Variants in GRIA3 observed in about 807,000 individuals in gnomAD.
GRIA3 encodes glutamate ionotropic receptor AMPA type subunit 3, also known as glutamate receptor 3.
In GRIA3, 3 loss-of-function variants were observed where a neutral mutation model predicts 63.0. That is an observed-to-expected ratio of 0.05 (90% CI 0.02 to 0.12). GRIA3 has a LOEUF of 0.12. GRIA3 is among the 10% of genes least tolerant of loss of function. The pLI, the probability that GRIA3 is intolerant of heterozygous loss-of-function variation, is 1.00. For synonymous variants in GRIA3, 274 were observed against 257.9 expected (o/e 1.06, Z -0.60); for missense variants, 347 against 700.9 (o/e 0.50, Z 5.70).
intron 3 of GRIA3, among the ~76,000 whole-genome samples, chrX:123,275,599 C>G (rs1040646626): frequency 8.9e-5 from 10 of 112,162 alleles, no homozygotes; most frequent in Non-Finnish European, 1.7e-4. Flanking sequence ...ACTTTCTCAG[C>G]ATCATCATGT....
chrX:123,202,702 C>T (rs909606659), intron 2 of GRIA3: 8 of 1,164,333 alleles, frequency 6.9e-6, no homozygotes, highest in Admixed American at 2.6e-5. Context: ...ACAGCTCTGC[C>T]GTGCTGCAAA....
chrX:123,225,699 T>G (rs1235644410), intron 2 of GRIA3, among the ~76,000 whole-genome samples: 1 of 111,912 alleles, frequency 8.9e-6, no homozygotes, highest in East Asian at 2.8e-4. Context: ...TGATAATTAT[T>G]TAATACACCA....
At chrX:123,435,969 G>T (rs754062115) in intron 12 of GRIA3, among the ~76,000 whole-genome samples, 21 of 111,626 alleles carry the variant, frequency 1.9e-4, no homozygotes, top group Non-Finnish European at 3.8e-4. Flanking sequence ...AAGTATGAAG[G>T]TGTCTACAAG....
intron 13 of GRIA3, among the ~76,000 whole-genome samples, chrX:123,471,311 C>A (rs972108061): frequency 9.0e-6 from 1 of 111,303 alleles, no homozygotes; most frequent in African/African-American, 3.3e-5. Flanking sequence ...ATTCTACCAC[C>A]GGAAAAAAAT....
chrX:123,416,284 T>G (rs1173708746), intron 10 of GRIA3, among the ~76,000 whole-genome samples: 1 of 112,098 alleles, frequency 8.9e-6, no homozygotes, highest in Non-Finnish European at 1.9e-5. Context: ...GAAAATATAC[T>G]CTATATCAGA....
intron 2 of GRIA3, chrX:123,204,348 T>C: frequency 2.9e-6 from 3 of 1,020,627 alleles, no homozygotes; most frequent in Middle Eastern, 2.5e-4. Context: ...GACCCCATGA[T>C]GTGGCTCATC....
intron 4 of GRIA3, among the ~76,000 whole-genome samples, chrX:123,354,242 A>C (rs1406156501): frequency 6.3e-5 from 7 of 110,673 alleles, no homozygotes; most frequent in Admixed American, 3.8e-4. Flanking sequence ...TTACTCACTA[A>C]ATGCTAGTAG....
chrX:123,460,883 A>T (rs2045788858), intron 12 of GRIA3, among the ~76,000 whole-genome samples: 1 of 111,945 alleles, frequency 8.9e-6, no homozygotes, highest in African/African-American at 3.2e-5. Flanking sequence ...GTAATATGGA[A>T]TGAGCATAAA....
At chrX:123,286,403 A>T (rs1205888091) in intron 3 of GRIA3, among the ~76,000 whole-genome samples, 1 of 111,873 alleles carries the variant, frequency 8.9e-6, no homozygotes, top group Non-Finnish European at 1.9e-5. Context: ...GCAGAAGACA[A>T]GAAATAACTA....
At chrX:123,235,466 A>G (rs1476014) in intron 2 of GRIA3, among the ~76,000 whole-genome samples, 22,684 of 110,896 alleles carry the variant, frequency 0.2, 1,901 homozygotes, top group Non-Finnish European at 0.27. Context: ...CATAATACAT[A>G]AGCATACAGC....
chrX:123,266,259 G>A (rs2044487746), intron 3 of GRIA3, among the ~76,000 whole-genome samples: 1 of 111,860 alleles, frequency 8.9e-6, no homozygotes, highest in Admixed American at 9.4e-5. Flanking sequence ...TCTCTTTCCA[G>A]TTCTGGATCC....
chrX:123,206,390 G>A (rs1603025432), intron 2 of GRIA3, among the ~76,000 whole-genome samples: 2 of 111,822 alleles, frequency 1.8e-5, no homozygotes, highest in East Asian at 2.8e-4. Context: ...CATAGTCACC[G>A]GCTTCTTTCG....
intron 3 of GRIA3, among the ~76,000 whole-genome samples, chrX:123,277,097 T>G (rs1438140011): frequency 9.1e-6 from 1 of 109,777 alleles, no homozygotes. Flanking sequence ...GCCTGTTTTT[T>G]TTTTAACTTT....
chrX:123,326,934 TAAC>T (rs2044909420), intron 4 of GRIA3, among the ~76,000 whole-genome samples: 1 of 109,631 alleles, frequency 9.1e-6, no homozygotes, highest in African/African-American at 3.3e-5. Context: ...TACTTTAAAA[TAAC>T]AATTTTTTTT....
intron 5 of GRIA3, among the ~76,000 whole-genome samples, chrX:123,380,629 T>C (rs2045318446): frequency 8.9e-6 from 1 of 112,172 alleles, no homozygotes; most frequent in Non-Finnish European, 1.9e-5. Context: ...TCTTTTGCTG[T>C]GCAGAAGCTC....
At position 123,209,949 on chromosome X, in the gene GRIA3, G is replaced by A. The variant is rs745576565; in HGVS notation, c.268+23959G>A. ...CTTCTACACTATTATTAGCTTAAAT[G>A]CTGTCAAGCTTGGAGTTGGGTTTTA... is the stretch of plus-strand genomic sequence containing the variant. On this transcript the variant is annotated intron_variant, in intron 2 of 15. Transcript: ENST00000620443. Among the ~76,000 whole-genome samples, 6 of 110,206 alleles carry A rather than the reference G, an allele frequency of 5.4e-5. No individual in the cohort carries two copies. In the South Asian group the frequency reaches 2.3e-3, roughly 43 times the overall value.
At chrX:123,286,130 G>A (rs5911574) in intron 3 of GRIA3, among the ~76,000 whole-genome samples, 42,726 of 107,386 alleles carry the variant, frequency 0.4, 7,425 homozygotes, top group African/African-American at 0.69. Flanking sequence ...AAAACTGCGC[G>A]ACTACCTGGA....
intron 3 of GRIA3, among the ~76,000 whole-genome samples, chrX:123,305,545 G>A (rs1185652820): frequency 8.9e-6 from 1 of 112,162 alleles, no homozygotes; most frequent in Non-Finnish European, 1.9e-5. Flanking sequence ...TAAGGGATTC[G>A]TTACCTATAA....
intron 11 of GRIA3, among the ~76,000 whole-genome samples, chrX:123,422,563 G>A (rs1408295379): frequency 8.9e-6 from 1 of 111,945 alleles, no homozygotes; most frequent in East Asian, 2.8e-4. Flanking sequence ...AAGCATAGTG[G>A]TTAAGCACGT....
Sources: allele counts gnomAD v4.1 joint callset (sites outside exome capture counted in the v4.1 genomes callset), GRCh38; gene constraint gnomAD v4.1.1; transcripts MANE v1.5; gene names NCBI Gene and HGNC (gene_info 2026-07-23, HGNC 2026-07-21).